The following SEMA3D variants were observed in gnomAD, a reference collection of about 807,000 sequenced individuals.
SEMA3D encodes the protein semaphorin 3D, also known as semaphorin-3D.
A neutral mutation model predicts 100.1 loss-of-function variants in SEMA3D; 84 were observed. That is an observed-to-expected ratio of 0.84 (90% CI 0.70 to 1.01). The LOEUF is 1.01. SEMA3D is among the 50% of genes least tolerant of loss of function. SEMA3D has a pLI of 0.00. For missense variants in SEMA3D, 875 were observed against 934.1 expected, an observed-to-expected ratio of 0.94 and a Z score of 0.82; for synonymous variants, 312 against 320.7, an observed-to-expected ratio of 0.97 and a Z score of 0.29.
In SEMA3D at chr7:85,128,875, A is replaced by T. The variant is rs12535326; in HGVS notation, c.-40-6944T>A. Among the ~76,000 whole-genome samples the T allele has an allele frequency of 7.7e-3, 939 of 122,380 alleles. 21 individuals are homozygous for T. Among genetic ancestry groups the T allele is most frequent in the Admixed American group, 0.049 (541 of 10,994 alleles). The allele number at this position is 122,380 out of a possible 152,430, so 80.3% of individuals were successfully genotyped here. On this transcript the variant is annotated intron_variant, in intron 2 of 18. Coordinates refer to ENST00000284136, the MANE Select transcript of SEMA3D (RefSeq NM_001384900.1). ...ACAGATATTTTTATGATATATATAT[A>T]TTTTTTTCCTTTTTTTTTTTTTTTT...
chr7:85,089,643 T>C (rs1409821259), intron 4 of SEMA3D, among the ~76,000 whole-genome samples: 1 of 151,930 alleles, frequency 6.6e-6, no homozygotes, highest in Non-Finnish European at 1.5e-5. Flanking sequence ...CACTTTGGGA[T>C]TACAAGTGAG....
chr7:85,227,816 T>C, the SEMA3D span, among the ~76,000 whole-genome samples: 1 of 152,136 alleles, frequency 6.6e-6, no homozygotes, highest in East Asian at 1.9e-4. Flanking sequence ...TTATTAATCA[T>C]AGTGCAATTT....
At chr7:85,117,272 C>T (rs1460652922) in intron 3 of SEMA3D, among the ~76,000 whole-genome samples, 4 of 152,120 alleles carry the variant, frequency 2.6e-5, no homozygotes, top group Non-Finnish European at 2.9e-5. Flanking sequence ...CTGCAGCTGT[C>T]GTCTGATTAC....
At chr7:85,132,947 A>T (rs536325912) in intron 2 of SEMA3D, among the ~76,000 whole-genome samples, 1 of 152,044 alleles carries the variant, frequency 6.6e-6, no homozygotes, top group East Asian at 1.9e-4. Flanking sequence ...GGACTAATAT[A>T]TTCGTGTTCA....
At chr7:85,190,465 A>G (rs928333374), upstream of SEMA3D, among the ~76,000 whole-genome samples, 3 of 152,136 alleles carry the variant, frequency 2.0e-5, no homozygotes, top group African/African-American at 7.2e-5. Context: ...TCTAGTTGGA[A>G]CAAGTGAGTG....
intron 2 of SEMA3D, among the ~76,000 whole-genome samples, chr7:85,147,072 C>CTT (rs1554348233): frequency 1.4e-5 from 1 of 73,974 alleles, no homozygotes; most frequent in African/African-American, 5.6e-5. Context: ...GTCCATCTTT[C>CTT]TTTCTTTTCT....
chr7:85,240,262 T>C, the SEMA3D span, among the ~76,000 whole-genome samples: 1 of 152,042 alleles, frequency 6.6e-6, no homozygotes, highest in Admixed American at 6.6e-5. Flanking sequence ...GATCATACGA[T>C]TTTTTTTCTT....
At chr7:85,016,084 A>G (rs1790092092) in intron 15 of SEMA3D, among the ~76,000 whole-genome samples, 2 of 151,738 alleles carry the variant, frequency 1.3e-5, no homozygotes, top group South Asian at 4.1e-4. Flanking sequence ...TTAAACTGTC[A>G]GTTAAGACTT....
intron 4 of SEMA3D, among the ~76,000 whole-genome samples, chr7:85,082,559 T>G (rs961775445): frequency 1.3e-5 from 2 of 152,188 alleles, no homozygotes; most frequent in Non-Finnish European, 2.9e-5. Context: ...AGACTTTTAT[T>G]ATGTTTCTCA....
At chr7:85,140,296 TTTGA>T in intron 2 of SEMA3D, 2 of 981,198 alleles carry the variant, frequency 2.0e-6, no homozygotes, top group Non-Finnish European at 2.4e-6. Flanking sequence ...TATGCAAAAC[TTTGA>T]TTGTGACAGA....
chr7:85,037,512 A>C (rs1790734567), intron 11 of SEMA3D, among the ~76,000 whole-genome samples: 1 of 152,172 alleles, frequency 6.6e-6, no homozygotes. Flanking sequence ...GAATTATTTA[A>C]ATATTTGAAT....
the SEMA3D span, among the ~76,000 whole-genome samples, chr7:85,238,570 C>T: frequency 1.3e-5 from 2 of 152,142 alleles, no homozygotes; most frequent in Non-Finnish European, 2.9e-5. Context: ...CTTCTTCCTC[C>T]AATACAACAC....
At chr7:85,063,607 C>T (rs1456658662) in intron 8 of SEMA3D, among the ~76,000 whole-genome samples, 1 of 152,192 alleles carries the variant, frequency 6.6e-6, no homozygotes, top group Admixed American at 6.5e-5. Context: ...AGTATATTCT[C>T]ATATACTTCC....
At chr7:85,182,094 T>A (rs996738466) in intron 1 of SEMA3D, among the ~76,000 whole-genome samples, 2 of 152,086 alleles carry the variant, frequency 1.3e-5, no homozygotes, top group Non-Finnish European at 2.9e-5. Flanking sequence ...TTTATCTTTT[T>A]TTTAGTTATT....
the SEMA3D span, among the ~76,000 whole-genome samples, chr7:85,229,926 A>C: frequency 6.6e-6 from 1 of 152,202 alleles, no homozygotes; most frequent in Admixed American, 6.5e-5. Flanking sequence ...TCAAAATAAA[A>C]GAAAAAAACT....
In SEMA3D at chr7:85,028,098, C is replaced by T. The variant is rs368717262; in HGVS notation, c.1192-5485G>A. 82 of 623,932 alleles carry T rather than the reference C, an allele frequency of 1.3e-4. 1 individual carries two copies. In the East Asian group the frequency reaches 1.9e-3, roughly 15 times the overall value. 38.6% of individuals were successfully genotyped at this position (623,932 alleles called of 1,614,324 possible). On this transcript the variant is annotated intron_variant, in intron 12 of 18. Transcript: ENST00000284136. ...TGTCCAGTTTGATATGACATATTGG[C>T]CTTTCACGGTGGTAAATGATGCTGG... is the stretch of plus-strand genomic sequence containing the variant.
intron 12 of SEMA3D, among the ~76,000 whole-genome samples, chr7:85,024,294 C>T (rs969011317): frequency 6.6e-6 from 1 of 151,896 alleles, no homozygotes; most frequent in Admixed American, 6.6e-5. Flanking sequence ...TAAAATCAAA[C>T]CCAGAGCAAG....
chr7:85,119,295 T>G (rs1789339561), intron 3 of SEMA3D, among the ~76,000 whole-genome samples: 1 of 152,134 alleles, frequency 6.6e-6, no homozygotes, highest in Non-Finnish European at 1.5e-5. Flanking sequence ...AATCTTTCTA[T>G]TATAAAGACA....
the SEMA3D span, among the ~76,000 whole-genome samples, chr7:85,216,357 T>TTGTGTGTGTG: frequency 7.5e-5 from 11 of 146,150 alleles, no homozygotes; most frequent in South Asian, 2.2e-4. Context: ...AATAAGAGTG[T>TTGTGTGTGTG]TGTGTGTGTG....
Sources: allele counts gnomAD v4.1 joint callset (sites outside exome capture counted in the v4.1 genomes callset), GRCh38; gene constraint gnomAD v4.1.1; transcripts MANE v1.5; gene names NCBI Gene and HGNC (gene_info 2026-07-23, HGNC 2026-07-21).